Variants in PCDH17 observed in about 807,000 individuals in gnomAD.
PCDH17 encodes the protein protocadherin 17.
In PCDH17, 21 loss-of-function variants were observed where a neutral mutation model predicts 67.7. The observed-to-expected ratio is 0.31, with a 90% CI of 0.22 to 0.45. PCDH17 has a LOEUF of 0.45. PCDH17 is among the 20% of genes least tolerant of loss of function. PCDH17 has a pLI of 1.00. For synonymous variants in PCDH17, 701 were observed against 656.7 expected (o/e 1.07, Z -1.03); for missense variants, 1,471 against 1,564.8 (o/e 0.94, Z 1.01).
At chr13:57,639,175 TTTTTCTTA>T (rs1201334580) in intron 1 of PCDH17, among the ~76,000 whole-genome samples, 2 of 151,958 alleles carry the variant, frequency 1.3e-5, no homozygotes, top group Non-Finnish European at 2.9e-5. Flanking sequence ...TCACTCATCC[TTTTTCTTA>T]AATATTTTGA....
chr13:57,689,070 T>G lies in PCDH17; in HGVS notation c.2797+22237T>G, dbSNP rs192861226. On this transcript the variant is annotated intron_variant, in intron 3 of 3. Coordinates refer to ENST00000377918, the MANE Select transcript of PCDH17 (RefSeq NM_001040429.3). ...GAAATTCATTTGTGCTTTCGCAAAATTTTAGCATTCTTGCTGTTGCTGATG... is the reference window on the plus strand; with the variant it reads ...GAAATTCATTTGTGCTTTCGCAAAAGTTTAGCATTCTTGCTGTTGCTGATG... Among the ~76,000 whole-genome samples, 12 of 152,144 alleles carry G rather than the reference T, an allele frequency of 7.9e-5. 1 individual carries two copies. In the East Asian group the frequency reaches 2.3e-3, roughly 30 times the overall value.
intron 3 of PCDH17, among the ~76,000 whole-genome samples, chr13:57,715,652 G>T (rs1593948946): frequency 6.6e-6 from 1 of 151,758 alleles, no homozygotes; most frequent in East Asian, 1.9e-4. Context: ...CTTTTCAATG[G>T]TGTATCAAAT....
intron 1 of PCDH17, among the ~76,000 whole-genome samples, chr13:57,637,515 C>T (rs1049038149): frequency 1.3e-5 from 2 of 151,694 alleles, no homozygotes; most frequent in Non-Finnish European, 2.9e-5. Context: ...TTAGGTATCC[C>T]ATAATCTTGT....
chr13:57,641,587 AATATATATATATATATATATAT>A (rs1166347188), intron 1 of PCDH17, among the ~76,000 whole-genome samples: 7 of 20,580 alleles, frequency 3.4e-4, no homozygotes, highest in Admixed American at 1.7e-3. Flanking sequence ...AAAAAAAAAA[AATATATATATATATATATATAT>A]ATATATATAT....
rs1593916241 is a variant in PCDH17 at position 57,671,440 on chromosome 13, A to T, written c.2797+4607A>T. 2.0e-5 allele frequency among the ~76,000 whole-genome samples: 3 copies of T among 151,804 alleles called. No individual in the cohort carries two copies. In the East Asian group the frequency reaches 5.8e-4, roughly 30 times the overall value. On this transcript the variant is annotated intron_variant, in intron 3 of 3. Transcript: ENST00000377918. The stretch of plus-strand genomic sequence containing the variant: ...TACCTATAGTTTTATAAATAATAAA[A>T]CTTTTTTAAGAGTTTATGAAGCTAA...
intron 3 of PCDH17, among the ~76,000 whole-genome samples, chr13:57,716,034 G>A (rs892890627): frequency 1.3e-5 from 2 of 151,894 alleles, no homozygotes; most frequent in Non-Finnish European, 2.9e-5. Flanking sequence ...AGCTGAGTCT[G>A]GGGGCTGGAA....
At chr13:57,701,353 T>A (rs561949578) in intron 3 of PCDH17, among the ~76,000 whole-genome samples, 1 of 152,246 alleles carries the variant, frequency 6.6e-6, no homozygotes, top group East Asian at 1.9e-4. Flanking sequence ...ACGGTAGATA[T>A]GAGATACTGT....
intron 1 of PCDH17, among the ~76,000 whole-genome samples, chr13:57,661,908 C>T (rs1955188370): frequency 6.6e-6 from 1 of 152,100 alleles, no homozygotes; most frequent in Non-Finnish European, 1.5e-5. Context: ...CACTCTGTTG[C>T]TCAATCTGGA....
upstream of PCDH17, among the ~76,000 whole-genome samples, chr13:57,630,938 G>C (rs557914720): frequency 1.8e-3 from 273 of 152,214 alleles, no homozygotes; most frequent in Non-Finnish European, 3.1e-3. Flanking sequence ...ATAATGTGTA[G>C]ACAGACCTGT....
At position 57,633,059 on chromosome 13, in the gene PCDH17, C is replaced by T. The variant is rs1200236413; in HGVS notation, c.513C>T (p.Leu171=). 4.3e-6 allele frequency: 7 copies of T among 1,613,252 alleles called. No homozygotes were observed. The highest frequency in any genetic ancestry group is 5.9e-6 in the Non-Finnish European group (7 of 1,179,972). The part of the protein sequence containing the change: ...AGENGLRTYL[L]TRDDHGLFGL... ...AGAATGGGCTCCGCACCTACCTGCT[C>T]ACGCGCGACGATCACGGCCTCTTTG... Residue 171 remains leucine, a synonymous_variant, in exon 1 of 4, where the codon CTC becomes CTT. Transcript: ENST00000377918. The surrounding 1 kb of genome is among the most constrained non-coding windows in gnomAD (Gnocchi z 6.2).
At chr13:57,660,314 A>T (rs1378499121) in intron 1 of PCDH17, among the ~76,000 whole-genome samples, 1 of 152,168 alleles carries the variant, frequency 6.6e-6, no homozygotes, top group Non-Finnish European at 1.5e-5. Context: ...TTAAATAGAT[A>T]TTTATATCCA....
intron 3 of PCDH17, among the ~76,000 whole-genome samples, chr13:57,704,351 C>G (rs1392163578): frequency 1.3e-5 from 2 of 151,932 alleles, no homozygotes; most frequent in Non-Finnish European, 2.9e-5. Context: ...CTAAAACAGT[C>G]TAGTAGGCAG....
At position 57,724,997 on chromosome 13, in the gene PCDH17, A is replaced by G; in HGVS notation, c.3183A>G (p.Pro1061=). The G allele has an allele frequency of 1.2e-6, 2 of 1,614,178 alleles. No homozygotes were observed. Among genetic ancestry groups the G allele is most frequent in the South Asian group, 2.2e-5 (2 of 91,084 alleles). ...CCCTGGATGGCTGTGAAGCAAAACC[A>G]GGAGCCCTGGCTGAAGCAAGCAGTC... The part of the protein sequence containing the change: ...KGSLDGCEAK[P]GALAEASSQY... The change falls in exon 4 of 4, where the codon CCA becomes CCG. Residue 1061 remains proline (P), a synonymous_variant. Transcript: ENST00000377918.
At chr13:57,641,587 A>ATGT (rs1275045088) in intron 1 of PCDH17, among the ~76,000 whole-genome samples, 2 of 20,580 alleles carry the variant, frequency 9.7e-5, no homozygotes, top group Non-Finnish European at 9.6e-5. Context: ...AAAAAAAAAA[A>ATGT]ATATATATAT....
At chr13:57,678,166 G>A (rs975713587) in intron 3 of PCDH17, among the ~76,000 whole-genome samples, 6 of 143,290 alleles carry the variant, frequency 4.2e-5, no homozygotes, top group East Asian at 2.0e-4. Context: ...TATATATCTC[G>A]AAACATCATA....
intron 3 of PCDH17, 65 bp from the exon 4 acceptor site, chr13:57,724,531 TTGAGAGCTGATCACAG>T: frequency 8.8e-7 from 1 of 1,134,850 alleles, no homozygotes. Flanking sequence ...AGCAAGCCCA[TTGAGAGCTGATCACAG>T]CCTCTGTAGA....
intron 3 of PCDH17, among the ~76,000 whole-genome samples, chr13:57,685,866 T>C (rs1040493691): frequency 9.2e-5 from 14 of 151,848 alleles, no homozygotes; most frequent in African/African-American, 3.4e-4. Context: ...CAGGAGCATC[T>C]CCTGAAGGCA....
chr13:57,680,252 G>A (rs529031097), intron 3 of PCDH17, among the ~76,000 whole-genome samples: 21 of 151,630 alleles, frequency 1.4e-4, no homozygotes, highest in African/African-American at 4.1e-4. Flanking sequence ...GATCTTGAAA[G>A]TGGACTGTCT....
At chr13:57,655,242 C>T (rs1955088484) in intron 1 of PCDH17, among the ~76,000 whole-genome samples, 1 of 151,764 alleles carries the variant, frequency 6.6e-6, no homozygotes, top group Non-Finnish European at 1.5e-5. Context: ...AGAGAGACAA[C>T]TAAATTTGTT....
Sources: allele counts gnomAD v4.1 joint callset (sites outside exome capture counted in the v4.1 genomes callset), GRCh38; gene constraint gnomAD v4.1.1; non-coding constraint Gnocchi (gnomAD v3.1); transcripts MANE v1.5; gene names NCBI Gene and HGNC (gene_info 2026-07-23, HGNC 2026-07-21).